DAPK2: variants seen among roughly 807,000 people sequenced by gnomAD.
DAPK2 encodes death-associated protein kinase 2.
DAPK2 carries 35 observed loss-of-function variants against 44.1 expected under a neutral mutation model. The ratio of observed to expected loss-of-function variants is 0.79; its 90% CI spans 0.61 to 1.05. The LOEUF (loss-of-function observed/expected upper bound fraction) is 1.05, where lower values mean the gene tolerates loss of function less well. DAPK2 is among the 50% of genes least tolerant of loss of function. The pLI is 0.00. For synonymous variants in DAPK2, 174 were observed against 182.6 expected, an observed-to-expected ratio of 0.95 and a Z score of 0.38; for missense variants, 453 against 483.2, an observed-to-expected ratio of 0.94 and a Z score of 0.59.
At chr15:63,986,226 T>C in intron 1 of DAPK2, among the ~76,000 whole-genome samples, 1 of 152,244 alleles carries the variant, frequency 6.6e-6, no homozygotes, top group Non-Finnish European at 1.5e-5. Flanking sequence ...ACTTATGCTT[T>C]CACCTGCTCT....
chr15:64,006,168 C>A (rs574368580), intron 1 of DAPK2, among the ~76,000 whole-genome samples: 4 of 152,252 alleles, frequency 2.6e-5, no homozygotes, highest in Admixed American at 2.0e-4. Flanking sequence ...CCAACCCACA[C>A]TGAGTGGTCT....
In DAPK2 at chr15:63,955,663, G is replaced by A. The variant is rs191964944; in HGVS notation, c.453+15760C>T. On this transcript the variant is annotated intron_variant, in intron 3 of 10. Transcript: ENST00000261891. ...GGCTCACGTGGCCTCTGCCTCCAGG[G>A]CTTAGGTGATCCTCCCATCTCAGCC... 1.5e-3 allele frequency among the ~76,000 whole-genome samples: 233 copies of A among 152,220 alleles called. 2 individuals carry two copies. The highest frequency in any genetic ancestry group is 3.4e-3 in the Middle Eastern group (1 of 294).
chr15:63,911,472 G>A (rs528942801), intron 10 of DAPK2: 10 of 196,094 alleles, frequency 5.1e-5, no homozygotes, highest in Non-Finnish European at 1.1e-4. Context: ...TGGCAATAAA[G>A]TAATCAAATA....
chr15:64,026,337 G>A (rs533747339), intron 1 of DAPK2, among the ~76,000 whole-genome samples: 5 of 152,108 alleles, frequency 3.3e-5, no homozygotes, highest in African/African-American at 4.8e-5. Context: ...TCTGCCTTCC[G>A]GGCTCAAGCA....
At chr15:63,909,657 C>G (rs546667513) in intron 10 of DAPK2, 3 of 152,106 alleles carry the variant, frequency 2.0e-5, no homozygotes, top group Non-Finnish European at 4.4e-5. Context: ...CATAAATTAG[C>G]CAGGCATGGT....
chr15:63,913,294 C>T (rs551493981), intron 8 of DAPK2, among the ~76,000 whole-genome samples: 1 of 152,200 alleles, frequency 6.6e-6, no homozygotes, highest in South Asian at 2.1e-4. Flanking sequence ...GTTACACAAC[C>T]TTGTGAGTAT....
intron 8 of DAPK2, chr15:63,921,372 C>T (rs1392963892): frequency 6.6e-6 from 1 of 152,262 alleles, no homozygotes; most frequent in Non-Finnish European, 1.5e-5. Context: ...TCCCTGTTTC[C>T]TCAGCTCTAA....
At chr15:64,017,462 C>T (rs781436655) in intron 1 of DAPK2, among the ~76,000 whole-genome samples, 1 of 152,216 alleles carries the variant, frequency 6.6e-6, no homozygotes, top group Non-Finnish European at 1.5e-5. Context: ...GGGCCTAGGA[C>T]AGTCACAGTC....
chr15:63,973,860 T>C (rs923408501), intron 2 of DAPK2, among the ~76,000 whole-genome samples: 12 of 152,242 alleles, frequency 7.9e-5, no homozygotes, highest in Admixed American at 7.2e-4. Context: ...CCACTGACCT[T>C]GGACAACTCA....
At chr15:63,962,050 C>G (rs1038230298) in intron 3 of DAPK2, among the ~76,000 whole-genome samples, 8 of 152,134 alleles carry the variant, frequency 5.3e-5, no homozygotes, top group African/African-American at 1.9e-4. Flanking sequence ...TCTTTTTACT[C>G]TTTTTCCTCT....
intron 1 of DAPK2, among the ~76,000 whole-genome samples, chr15:64,022,724 G>A (rs1236807877): frequency 6.6e-6 from 1 of 152,170 alleles, no homozygotes; most frequent in African/African-American, 2.4e-5. Flanking sequence ...GAGGCTGAAG[G>A]GGGAAGATCT....
intron 3 of DAPK2, among the ~76,000 whole-genome samples, chr15:63,959,847 A>G (rs1165807296): frequency 6.6e-6 from 1 of 152,168 alleles, no homozygotes; most frequent in Non-Finnish European, 1.5e-5. Flanking sequence ...AGGCTTTGGT[A>G]TCAGGATGAT....
At chr15:64,005,458 G>A (rs930095956) in intron 1 of DAPK2, among the ~76,000 whole-genome samples, 4 of 151,470 alleles carry the variant, frequency 2.6e-5, no homozygotes, top group South Asian at 2.1e-4. Flanking sequence ...GTGCAGTTCC[G>A]GAAAGATGTG....
rs545045207 is a variant in DAPK2, at chr15:64,030,480, C to T, written c.92+9690G>A. 1.1e-3 allele frequency among the ~76,000 whole-genome samples: 167 copies of T among 152,184 alleles called. 2 individuals carry two copies. In the South Asian group the frequency reaches 0.027, roughly 25 times the overall value. On this transcript the variant is annotated intron_variant, in intron 1 of 10. Transcript: ENST00000261891. The stretch of plus-strand genomic sequence containing the variant: ...CTACAAGTCTCATGGGTTTAAGAAC[C>T]TCATCAAGGCTGCAGGATGGAATCC...
exon 3 of DAPK2, chr15:63,971,504 C>T (rs756022004): frequency 5.6e-6 from 9 of 1,614,092 alleles, no homozygotes; most frequent in Non-Finnish European, 7.6e-6. Flanking sequence ...TGGTGGCCTC[C>T]TCCTCACTCA....
At position 63,923,062 on chromosome 15, in the gene DAPK2, G is replaced by T; in HGVS notation, c.858+1754C>A. 2.0e-6 allele frequency: 3 copies of T among 1,535,800 alleles called. No homozygotes were observed. In the South Asian group the frequency reaches 3.6e-5, roughly 18 times the overall value. The stretch of plus-strand genomic sequence containing the variant: ...TGAGCTGGGACAGGTCATGCCGGGC[G>T]CTCTCATTCTCCTCTCGGTACCAAG... On this transcript the variant is annotated intron_variant, in intron 8 of 10. Transcript: ENST00000261891. The surrounding 1 kb of genome is among the most constrained non-coding windows in gnomAD (Gnocchi z 4.2).
At chr15:63,991,601 C>T (rs1567258068) in intron 1 of DAPK2, among the ~76,000 whole-genome samples, 2 of 152,138 alleles carry the variant, frequency 1.3e-5, no homozygotes. Flanking sequence ...CCACTGACCG[C>T]CCCCACCCAT....
intron 2 of DAPK2, among the ~76,000 whole-genome samples, chr15:63,981,294 G>A (rs1378988853): frequency 6.6e-6 from 1 of 152,070 alleles, no homozygotes; most frequent in Non-Finnish European, 1.5e-5. Flanking sequence ...GTCCCCATTA[G>A]CAAGAAGGTC....
intron 3 of DAPK2, among the ~76,000 whole-genome samples, chr15:63,943,733 G>A (rs185579017): frequency 3.3e-5 from 5 of 151,758 alleles, no homozygotes; most frequent in Admixed American, 3.3e-4. Flanking sequence ...AAAATTAGCT[G>A]GGCGTGGTGG....
Sources: allele counts gnomAD v4.1 joint callset (sites outside exome capture counted in the v4.1 genomes callset), GRCh38; gene constraint gnomAD v4.1.1; non-coding constraint Gnocchi (gnomAD v3.1); transcripts MANE v1.5; gene names NCBI Gene and HGNC (gene_info 2026-07-23, HGNC 2026-07-21).